The following CPNE2 variants were observed in gnomAD, a reference collection of about 807,000 sequenced individuals.
CPNE2 encodes copine 2.
A neutral mutation model predicts 69.7 loss-of-function variants in CPNE2; 42 were observed. That is an observed-to-expected ratio of 0.60 (90% CI 0.47 to 0.78). The LOEUF is 0.78. Among genes scored for constraint, CPNE2 ranks in the 30% least tolerant of loss-of-function variants. The pLI is 0.00. For synonymous variants in CPNE2, 294 were observed against 289.8 expected (o/e 1.01, Z -0.15); for missense variants, 587 against 732.0 (o/e 0.80, Z 2.29).
intron 1 of CPNE2, among the ~76,000 whole-genome samples, chr16:57,100,788 C>A (rs1397393580): frequency 6.6e-6 from 1 of 152,204 alleles, no homozygotes; most frequent in Non-Finnish European, 1.5e-5. Flanking sequence ...GCCACACCCA[C>A]CTTCACCCTT....
intron 12 of CPNE2, chr16:57,129,222 C>G (rs1385153957): frequency 6.6e-6 from 1 of 152,402 alleles, no homozygotes; most frequent in African/African-American, 2.4e-5. Flanking sequence ...CCACGGGGAC[C>G]CCTGCAGGGA....
chr16:57,129,287 G>A (rs1192134336), intron 12 of CPNE2: 2 of 152,582 alleles, frequency 1.3e-5, no homozygotes, highest in Admixed American at 6.5e-5. Flanking sequence ...CCTGGCTGCT[G>A]AGTGGGGCGT....
chr16:57,128,227 TTTTA>T (rs1207915729), intron 12 of CPNE2, among the ~76,000 whole-genome samples: 1 of 152,132 alleles, frequency 6.6e-6, no homozygotes, highest in Non-Finnish European at 1.5e-5. Flanking sequence ...ATGTGTTTAT[TTTTA>T]TTTATTTATT....
At chr16:57,098,489 C>T (rs2069592695) in intron 1 of CPNE2, among the ~76,000 whole-genome samples, 1 of 152,198 alleles carries the variant, frequency 6.6e-6, no homozygotes, top group East Asian at 1.9e-4. Flanking sequence ...GTGGCTGGAC[C>T]CTGCCCACCA....
intron 9 of CPNE2, 98 bp downstream of exon 9, chr16:57,121,858 T>C: frequency 8.6e-7 from 1 of 1,166,742 alleles, no homozygotes; most frequent in Non-Finnish European, 1.3e-6. Context: ...AGGCCTGTGT[T>C]CAAATCCCGG....
intron 3 of CPNE2, among the ~76,000 whole-genome samples, chr16:57,115,021 C>T (rs1196153691): frequency 2.1e-5 from 3 of 145,536 alleles, no homozygotes; most frequent in African/African-American, 7.7e-5. Context: ...GTGGGAGGAT[C>T]GCTTGAGCCC....
intron 12 of CPNE2, among the ~76,000 whole-genome samples, chr16:57,134,348 T>C (rs1302836584): frequency 3.3e-5 from 5 of 152,178 alleles, no homozygotes; most frequent in Admixed American, 2.6e-4. Flanking sequence ...CTTTGCTTAC[T>C]GTTAAGGTAG....
At position 57,146,301 on chromosome 16, in the gene CPNE2, C is replaced by A. The variant is rs780435714; in HGVS notation, c.1519C>A (p.Pro507Thr). Residue 507 changes from proline to threonine, a missense_variant, in exon 15 of 16, where the codon CCC becomes ACC. By Grantham distance (38) the Pro-to-Thr change is conservative. This residue lies in a region of CPNE2 where 185 missense variants were observed against 252.3 expected (regional missense o/e 0.73). Transcript: ENST00000290776. The surrounding 1 kb of genome is among the most constrained non-coding windows in gnomAD (Gnocchi z 4.4). ...EAARDIVQFV[P>T]FREFRNAAKE... is the part of the protein sequence containing the mutation. ...AGCCCGCGATATTGTGCAGTTCGTTCCCTTTCGAGAGTTCCGCAACGTGAG... is the reference window on the plus strand; with the variant it reads ...AGCCCGCGATATTGTGCAGTTCGTTACCTTTCGAGAGTTCCGCAACGTGAG... 2.0e-5 allele frequency: 31 copies of A among 1,552,470 alleles called. No individual in the cohort carries two copies. Among genetic ancestry groups the A allele is most frequent in the Non-Finnish European group, 2.6e-5 (30 of 1,146,874 alleles).
chr16:57,094,019 G>C (rs751105011), intron 1 of CPNE2: 2 of 456,350 alleles, frequency 4.4e-6, no homozygotes, highest in Non-Finnish European at 8.8e-6. Context: ...CTGATGTTCC[G>C]GGGCCTGCCT....
chr16:57,134,357 A>T lies in CPNE2; in HGVS notation c.1117-418A>T, dbSNP rs543708503. ...AAGCCCCTTTGCTTACTGTTAAGGT[A>T]GGAAAAGCCTCTGAAGCCCAGAGAA... is the stretch of plus-strand genomic sequence containing the variant. On this transcript the variant is annotated intron_variant, in intron 12 of 15. Transcript: ENST00000290776. Among the ~76,000 whole-genome samples the T allele has an allele frequency of 2.0e-5, 3 of 152,306 alleles. No homozygotes were observed. In the East Asian group the frequency reaches 5.8e-4, roughly 29 times the overall value.
chr16:57,107,973 C>T (rs1257719674), intron 1 of CPNE2, among the ~76,000 whole-genome samples: 1 of 150,174 alleles, frequency 6.7e-6, no homozygotes, highest in African/African-American at 2.5e-5. Flanking sequence ...TGGGTTCAAG[C>T]AATTCTCCTG....
intron 10 of CPNE2, chr16:57,124,284 G>A (rs1182150956): frequency 5.0e-6 from 2 of 403,516 alleles, no homozygotes; most frequent in African/African-American, 4.2e-5. Context: ...GTTTTGCTAT[G>A]TTGCCCAGGC....
intron 10 of CPNE2, 92 bp downstream of exon 10, chr16:57,123,565 A>G (rs1339786752): frequency 2.9e-6 from 4 of 1,380,922 alleles, no homozygotes; most frequent in African/African-American, 2.8e-5. Context: ...AGAGGGACTT[A>G]GGGTAGACTT....
At chr16:57,110,979 G>C in intron 2 of CPNE2, 57 bp downstream of exon 2, 1 of 1,517,196 alleles carries the variant, frequency 6.6e-7, no homozygotes, top group Middle Eastern at 1.8e-4. Context: ...TGCTGGGGAG[G>C]GGGAGTCTCC....
Position 57,125,933 on chromosome 16 carries a change from G to T in CPNE2, c.1001G>T (p.Gly334Val). The T allele has an allele frequency of 1.2e-6, 2 of 1,614,148 alleles. No individual in the cohort carries two copies. Among genetic ancestry groups the T allele is most frequent in the Non-Finnish European group, 1.7e-6 (2 of 1,180,034 alleles). Reference protein sequence around the residue: ...PSSLHYINPMGTNEYLSAIWA... With the variant: ...PSSLHYINPMVTNEYLSAIWA... The stretch of plus-strand genomic sequence containing the variant: ...TCTTTGCACTATATCAACCCTATGG[G>T]CACCAACGAATATCTGTCGGCCATC... Residue 334 changes from glycine (G) to valine (V), a missense_variant, in exon 11 of 16, where the codon GGC becomes GTC. By Grantham distance (109) the Gly-to-Val change is moderately radical. Transcript: ENST00000290776.
intron 12 of CPNE2, among the ~76,000 whole-genome samples, 189 bp downstream of exon 12, chr16:57,128,092 C>T (rs543040373): frequency 3.3e-5 from 5 of 152,100 alleles, no homozygotes; most frequent in South Asian, 2.1e-4. Flanking sequence ...CGGGGCAGCA[C>T]GTTATGTTCT....
chr16:57,110,909 G>A lies in CPNE2; in HGVS notation c.167G>A (p.Gly56Asp). 1.2e-6 allele frequency: 2 copies of A among 1,611,766 alleles called. No individual in the cohort carries two copies. The highest frequency in any genetic ancestry group is 1.7e-6 in the Non-Finnish European group (2 of 1,178,802). The change falls in exon 2 of 16, where the codon GGC becomes GAC. Residue 56 changes from glycine (G) to aspartate (D), a missense_variant. Physicochemically the swap from Gly to Asp is moderately conservative, Grantham distance 94 (BLOSUM62 -1). Around this residue, in one of 5 missense-constraint regions of CPNE2, gnomAD observed 96 missense variants for 94.9 expected, o/e 1.01. Transcript: ENST00000290776. ...PFCVLFTENNGRWIEYDRTET... is the reference protein window; with the variant it reads ...PFCVLFTENNDRWIEYDRTET... ...TGTGTCCTCTTTACAGAGAACAATG[G>A]CAGATGGATCGAGGTGAGGCTCTTC...
At position 57,121,692 on chromosome 16, in the gene CPNE2, A is replaced by T. The variant is rs773366114; in HGVS notation, c.799A>T (p.Asn267Tyr). ...DSVPLEFECINPKKQRKKKNY... is the reference protein window; with the variant it reads ...DSVPLEFECIYPKKQRKKKNY... Reference sequence around the variant, plus strand: ...TGCCCAGCTGGAGTTCGAGTGCATCAACCCCAAGAAGCAGAGGAAGAAGAA... The same window carrying T: ...TGCCCAGCTGGAGTTCGAGTGCATCTACCCCAAGAAGCAGAGGAAGAAGAA... Residue 267 changes from asparagine (N) to tyrosine (Y), a missense_variant, in exon 9 of 16, where the codon AAC becomes TAC. This residue lies in a region of CPNE2 where 269 missense variants were observed against 300.5 expected (regional missense o/e 0.90). Transcript: ENST00000290776. The T allele has an allele frequency of 6.2e-7, 1 of 1,614,200 alleles. No homozygotes were observed.
intron 9 of CPNE2, 91 bp from the exon 10 acceptor site, chr16:57,123,323 C>T: frequency 2.3e-6 from 3 of 1,325,012 alleles, no homozygotes; most frequent in Non-Finnish European, 3.2e-6. Flanking sequence ...CTCCTTGTCC[C>T]TACTGAGGTT....
Sources: gnomAD v4.1 joint callset for allele counts (sites outside exome capture counted in the v4.1 genomes callset) on GRCh38, gnomAD v4.1.1 for gene constraint, gnomAD v4.1.1 regional missense constraint, Gnocchi (gnomAD v3.1) non-coding constraint, MANE v1.5 for transcripts, NCBI Gene and HGNC (gene_info 2026-07-23, HGNC 2026-07-21) for gene names.